The following CYTH1 variants were observed in gnomAD, a reference collection of about 807,000 sequenced individuals.
CYTH1 encodes the protein cytohesin 1, also known as cytohesin-1.
A neutral mutation model predicts 61.8 loss-of-function variants in CYTH1; 18 were observed. That is an observed-to-expected ratio of 0.29 (90% CI 0.20 to 0.43). The LOEUF is 0.43. Among genes scored for constraint, CYTH1 ranks in the 20% least tolerant of loss-of-function variants. The pLI, the probability that CYTH1 is intolerant of heterozygous loss-of-function variation, is 1.00. For missense variants in CYTH1, 336 were observed against 510.5 expected (o/e 0.66, Z 3.29); for synonymous variants, 174 against 184.3 (o/e 0.94, Z 0.45).
chr17:78,716,404 G>GT (rs1555609818), intron 1 of CYTH1, among the ~76,000 whole-genome samples: 3 of 152,142 alleles, frequency 2.0e-5, no homozygotes, highest in African/African-American at 7.2e-5. Context: ...GCCCTTCTGT[G>GT]TCCTTGGAGT....
At chr17:78,757,911 CA>C (rs552202520) in intron 1 of CYTH1, among the ~76,000 whole-genome samples, 20 of 136,848 alleles carry the variant, frequency 1.5e-4, no homozygotes, top group Non-Finnish European at 1.4e-4. Flanking sequence ...GACTCTGCCT[CA>C]AAAAAAAAAA....
Position 78,674,384 on chromosome 17 carries a change from C to T in CYTH1, c.*1707G>A, listed in dbSNP as rs535440544. 6.6e-6 allele frequency: 1 copy of T among 152,312 alleles called. No individual in the cohort carries two copies. Among genetic ancestry groups the T allele is most frequent in the South Asian group, 2.1e-4 (1 of 4,826 alleles). The allele number at this position is 152,312 out of a possible 1,614,324, so 9.4% of individuals were successfully genotyped here. ...CACCGGCCCAAACACGCCCAGACCT[C>T]GGCAGGCACCACCTGGTTCTCCCAC... is the stretch of plus-strand genomic sequence containing the variant. On this transcript the variant is annotated 3_prime_UTR_variant, in exon 14 of 14. Coordinates refer to ENST00000446868, the MANE Select transcript of CYTH1 (RefSeq NM_004762.6).
At chr17:78,697,326 A>T (rs965007174) in intron 9 of CYTH1, among the ~76,000 whole-genome samples, 26 of 27,152 alleles carry the variant, frequency 9.6e-4, no homozygotes, top group Admixed American at 6.8e-3. Flanking sequence ...GCTAGTGTCC[A>T]AAAAAAAAAA....
At chr17:78,767,819 G>C (rs1231861469) in intron 1 of CYTH1, among the ~76,000 whole-genome samples, 1 of 152,218 alleles carries the variant, frequency 6.6e-6, no homozygotes, top group African/African-American at 2.4e-5. Context: ...GGATATCCAA[G>C]GGGAAATGTG....
intron 9 of CYTH1, among the ~76,000 whole-genome samples, chr17:78,697,626 A>C (rs77648928): frequency 4.6e-5 from 7 of 151,670 alleles, no homozygotes; most frequent in African/African-American, 1.5e-4. Context: ...AAAAAAAAAA[A>C]CCACTGCCCA....
intron 1 of CYTH1, chr17:78,723,484 C>T (rs1041546486): frequency 6.6e-6 from 1 of 152,538 alleles, no homozygotes; most frequent in African/African-American, 2.4e-5. Context: ...GGTGGAAACT[C>T]GCTGGGCCCG....
At chr17:78,757,347 T>C (rs2093405967) in intron 1 of CYTH1, among the ~76,000 whole-genome samples, 1 of 152,140 alleles carries the variant, frequency 6.6e-6, no homozygotes, top group African/African-American at 2.4e-5. Flanking sequence ...CTCCTATGAA[T>C]TAAACAGGTC....
chr17:78,747,164 A>AAAAAAAG (rs1567872915), intron 1 of CYTH1, among the ~76,000 whole-genome samples: 3 of 149,806 alleles, frequency 2.0e-5, no homozygotes, highest in Non-Finnish European at 3.0e-5. Flanking sequence ...AAAAAAAAAA[A>AAAAAAAG]AAAAAAGAAA....
At chr17:78,748,197 C>T in intron 1 of CYTH1, among the ~76,000 whole-genome samples, 1 of 152,188 alleles carries the variant, frequency 6.6e-6, no homozygotes, top group East Asian at 1.9e-4. Flanking sequence ...GTAAGTTTCA[C>T]CTCTAAACAT....
At chr17:78,766,525 G>A (rs1295245810) in intron 1 of CYTH1, among the ~76,000 whole-genome samples, 1 of 152,080 alleles carries the variant, frequency 6.6e-6, no homozygotes, top group Non-Finnish European at 1.5e-5. Context: ...ATGCTACCCG[G>A]GGGATTAAGG....
chr17:78,745,576 T>G (rs79322400), intron 1 of CYTH1, among the ~76,000 whole-genome samples: 17 of 152,124 alleles, frequency 1.1e-4, no homozygotes, highest in African/African-American at 2.4e-4. Flanking sequence ...TGTTAAAAGA[T>G]TGACATAGAA....
At chr17:78,707,528 C>T (rs1034990468) in intron 3 of CYTH1, among the ~76,000 whole-genome samples, 2 of 152,088 alleles carry the variant, frequency 1.3e-5, no homozygotes, top group Non-Finnish European at 2.9e-5. Context: ...CCTTTGAAAT[C>T]GTATCAGCAG....
chr17:78,770,409 T>C (rs575584505), intron 1 of CYTH1, among the ~76,000 whole-genome samples: 1 of 148,762 alleles, frequency 6.7e-6, no homozygotes, highest in African/African-American at 2.6e-5. Context: ...GGCGGGTTTT[T>C]TTTGTTTTGT....
intron 1 of CYTH1, among the ~76,000 whole-genome samples, chr17:78,748,943 C>T (rs1357274611): frequency 6.6e-6 from 1 of 152,178 alleles, no homozygotes; most frequent in African/African-American, 2.4e-5. Context: ...GCAAACTGAA[C>T]CAGCGCGGTC....
intron 1 of CYTH1, among the ~76,000 whole-genome samples, chr17:78,760,495 ATACATATATAT>A (rs2093422203): frequency 2.0e-5 from 1 of 49,454 alleles, no homozygotes; most frequent in Non-Finnish European, 3.6e-5. Context: ...GTATATATAT[ATACATATATAT>A]GTATATATAT....
intron 13 of CYTH1, chr17:78,677,005 CGGT>C (rs761839948): frequency 2.0e-5 from 9 of 456,068 alleles, no homozygotes; most frequent in South Asian, 1.4e-4. Flanking sequence ...CCCTGCTGAA[CGGT>C]GGCACCAGCA....
At chr17:78,739,396 A>G (rs2144631038) in intron 1 of CYTH1, among the ~76,000 whole-genome samples, 1 of 152,366 alleles carries the variant, frequency 6.6e-6, no homozygotes. Flanking sequence ...ACAAGTAAGT[A>G]AAATATGCAG....
At chr17:78,727,464 G>C (rs1386803493) in intron 1 of CYTH1, among the ~76,000 whole-genome samples, 1 of 152,218 alleles carries the variant, frequency 6.6e-6, no homozygotes, top group Non-Finnish European at 1.5e-5. Flanking sequence ...AAGATCTCTT[G>C]AAAGGAAGGT....
intron 13 of CYTH1, 25 bp from the exon 14 acceptor site, chr17:78,676,194 C>CA (rs1567818000): frequency 6.3e-7 from 1 of 1,591,624 alleles, no homozygotes; most frequent in Non-Finnish European, 8.6e-7. Context: ...AGGGAGAAAA[C>CA]AGAGACGTGA....
Sources: allele counts gnomAD v4.1 joint callset (sites outside exome capture counted in the v4.1 genomes callset), GRCh38; gene constraint gnomAD v4.1.1; transcripts MANE v1.5; gene names NCBI Gene and HGNC (gene_info 2026-07-23, HGNC 2026-07-21).